The following RAPGEF2 variants were observed in gnomAD, a reference collection of about 807,000 sequenced individuals.
RAPGEF2 encodes the protein PDZ domain containing guanine nucleotide exchange factor (GEF) 1.
RAPGEF2 carries 54 observed loss-of-function variants against 186.7 expected under a neutral mutation model. The ratio of observed to expected loss-of-function variants is 0.29; its 90% confidence interval spans 0.23 to 0.36. RAPGEF2 has a LOEUF of 0.36. Among genes scored for constraint, RAPGEF2 ranks in the 10% least tolerant of loss-of-function variants. RAPGEF2 has a pLI of 1.00. For missense variants in RAPGEF2, 1,532 were observed against 2,045.0 expected (o/e 0.75, Z 4.84); for synonymous variants, 712 against 705.9 (o/e 1.01, Z -0.14).
At chr4:159,252,563 C>A (rs941402865) in intron 7 of RAPGEF2, among the ~76,000 whole-genome samples, 5 of 152,204 alleles carry the variant, frequency 3.3e-5, no homozygotes, top group African/African-American at 9.7e-5. Context: ...ACTGACGGCT[C>A]AGTTTAAAAA....
At chr4:159,193,469 C>G (rs1362470832) in intron 3 of RAPGEF2, among the ~76,000 whole-genome samples, 1 of 152,152 alleles carries the variant, frequency 6.6e-6, no homozygotes. Context: ...ATTTGTATCT[C>G]TCACATGTGG....
At chr4:159,141,789 G>A (rs148415475) in intron 1 of RAPGEF2, among the ~76,000 whole-genome samples, 4 of 152,240 alleles carry the variant, frequency 2.6e-5, no homozygotes, top group African/African-American at 9.6e-5. Flanking sequence ...TTGATTCTGA[G>A]TGAGGCTGAA....
At chr4:159,210,109 T>G (rs1204440469) in intron 3 of RAPGEF2, among the ~76,000 whole-genome samples, 2 of 152,156 alleles carry the variant, frequency 1.3e-5, no homozygotes, top group African/African-American at 4.8e-5. Context: ...GAAGAAATAG[T>G]GGAGAAATGT....
chr4:159,138,348 T>A (rs1415564857), intron 1 of RAPGEF2, among the ~76,000 whole-genome samples: 1 of 152,248 alleles, frequency 6.6e-6, no homozygotes, highest in East Asian at 1.9e-4. Flanking sequence ...CATATTTTAG[T>A]GTTTCCAAGT....
At chr4:159,154,404 T>C (rs1355962795) in intron 1 of RAPGEF2, among the ~76,000 whole-genome samples, 1 of 152,096 alleles carries the variant, frequency 6.6e-6, no homozygotes, top group East Asian at 1.9e-4. Flanking sequence ...CCTTCACTCA[T>C]AAAGTCTTTG....
chr4:159,256,471 C>T (rs1219384621), intron 7 of RAPGEF2, among the ~76,000 whole-genome samples: 1 of 152,100 alleles, frequency 6.6e-6, no homozygotes, highest in East Asian at 1.9e-4. Flanking sequence ...GGGTTGATTC[C>T]ATGTCTTTGC....
intron 8 of RAPGEF2, among the ~76,000 whole-genome samples, chr4:159,307,083 A>G (rs909915289): frequency 2.0e-5 from 3 of 152,186 alleles, no homozygotes; most frequent in Non-Finnish European, 4.4e-5. Context: ...ATTGGATTGT[A>G]TATGGTTTCA....
chr4:159,180,695 A>G (rs376236928), intron 1 of RAPGEF2, among the ~76,000 whole-genome samples: 1 of 152,330 alleles, frequency 6.6e-6, no homozygotes, highest in Middle Eastern at 3.4e-3. Context: ...TTCTGGTTGT[A>G]TACTGCTTGA....
intron 1 of RAPGEF2, among the ~76,000 whole-genome samples, chr4:159,138,300 T>C (rs1224103236): frequency 6.6e-6 from 1 of 152,210 alleles, no homozygotes; most frequent in Non-Finnish European, 1.5e-5. Flanking sequence ...ATATAGACTA[T>C]TTTTCCTTTT....
At chr4:159,252,374 T>TA (rs929781854) in intron 7 of RAPGEF2, among the ~76,000 whole-genome samples, 9 of 151,978 alleles carry the variant, frequency 5.9e-5, no homozygotes, top group African/African-American at 1.7e-4. Flanking sequence ...ACTGAACCTT[T>TA]AAAAAAAATG....
chr4:159,250,717 C>G (rs916876130), intron 7 of RAPGEF2, among the ~76,000 whole-genome samples: 1 of 141,786 alleles, frequency 7.1e-6, no homozygotes, highest in Admixed American at 7.3e-5. Flanking sequence ...GTCACCCAAG[C>G]TGGAGTGCAG....
intron 1 of RAPGEF2, among the ~76,000 whole-genome samples, chr4:159,145,843 G>A (rs1159036178): frequency 6.6e-6 from 1 of 152,152 alleles, no homozygotes; most frequent in Non-Finnish European, 1.5e-5. Flanking sequence ...AGAAACCCCA[G>A]GTGCATGGCT....
chr4:159,182,018 T>C (rs1310510157), intron 1 of RAPGEF2, among the ~76,000 whole-genome samples: 1 of 152,234 alleles, frequency 6.6e-6, no homozygotes, highest in Non-Finnish European at 1.5e-5. Context: ...GCCTGATTGC[T>C]TTTCTAAAGG....
chr4:159,193,714 C>G (rs1748349309), intron 3 of RAPGEF2, among the ~76,000 whole-genome samples: 1 of 152,168 alleles, frequency 6.6e-6, no homozygotes, highest in Non-Finnish European at 1.5e-5. Flanking sequence ...ATATTCTTTT[C>G]AAGATGTGCA....
In RAPGEF2 at chr4:159,134,856, C is replaced by T. The variant is rs1741543415; in HGVS notation, c.69+30625C>T. ...CAACCTCAAAAAGAAAATTCCTGTA[C>T]CCTCATCCTCTATCCCTTCTGTCCT... is the stretch of plus-strand genomic sequence containing the variant. On this transcript the variant is annotated intron_variant, in intron 1 of 29. Coordinates refer to ENST00000691494, the MANE Select transcript of RAPGEF2 (RefSeq NM_001394067.2). Among the ~76,000 whole-genome samples, 6 of 152,246 alleles carry T rather than the reference C, an allele frequency of 3.9e-5. No individual in the cohort carries two copies. In the South Asian group the frequency reaches 1.2e-3, roughly 32 times the overall value.
chr4:159,151,026 T>C (rs1253417768), intron 1 of RAPGEF2, among the ~76,000 whole-genome samples: 3 of 152,210 alleles, frequency 2.0e-5, no homozygotes, highest in Non-Finnish European at 2.9e-5. Context: ...GGCTTGGCTA[T>C]AGAAATTTTG....
At chr4:159,121,874 C>CAAA (rs35034524) in intron 1 of RAPGEF2, among the ~76,000 whole-genome samples, 1 of 133,772 alleles carries the variant, frequency 7.5e-6, no homozygotes, top group Non-Finnish European at 1.6e-5. Flanking sequence ...ACTAAAAATA[C>CAAA]AAAAAAAAAA....
intron 7 of RAPGEF2, among the ~76,000 whole-genome samples, chr4:159,255,440 G>T (rs1756041138): frequency 6.6e-6 from 1 of 151,704 alleles, no homozygotes; most frequent in South Asian, 2.1e-4. Flanking sequence ...TAAGTGACCA[G>T]TTTCCCTTGT....
chr4:159,219,183 A>T (rs528977376), intron 4 of RAPGEF2, among the ~76,000 whole-genome samples: 1 of 152,278 alleles, frequency 6.6e-6, no homozygotes, highest in East Asian at 1.9e-4. Context: ...CAACAGGTAT[A>T]AAAAACTGAC....
Sources: allele counts gnomAD v4.1 joint callset (sites outside exome capture counted in the v4.1 genomes callset), GRCh38; gene constraint gnomAD v4.1.1; transcripts MANE v1.5; gene names NCBI Gene and HGNC (gene_info 2026-07-23, HGNC 2026-07-21).